NOS1AP: variants seen among roughly 807,000 people sequenced by gnomAD.
The protein encoded by NOS1AP is carboxyl-terminal PDZ ligand of neuronal nitric oxide synthase protein.
In NOS1AP, 21 loss-of-function variants were observed where a neutral mutation model predicts 56.2. The observed-to-expected ratio is 0.37, with a 90% confidence interval of 0.26 to 0.54. The LOEUF (loss-of-function observed/expected upper bound fraction) is 0.54, where lower values mean the gene tolerates loss of function less well. Ranked by LOEUF, NOS1AP falls within the 20% of genes least tolerant of loss-of-function variation. The probability of loss-of-function intolerance (pLI) is 0.84; values close to 1 mark genes in which losing one functional copy is unlikely to be tolerated. For synonymous variants in NOS1AP, 270 were observed against 274.6 expected (o/e 0.98, Z 0.17); for missense variants, 522 against 657.8 (o/e 0.79, Z 2.26).
intron 1 of NOS1AP, among the ~76,000 whole-genome samples, chr1:162,145,109 G>A (rs1464773096): frequency 6.6e-6 from 1 of 152,174 alleles, no homozygotes; most frequent in Non-Finnish European, 1.5e-5. Flanking sequence ...GCATCAGATG[G>A]CCTTCAAATA....
intron 1 of NOS1AP, among the ~76,000 whole-genome samples, chr1:162,109,745 A>C (rs1647644102): frequency 6.6e-6 from 1 of 152,036 alleles, no homozygotes; most frequent in Non-Finnish European, 1.5e-5. Context: ...CATCCGAGAT[A>C]AGTTCCTAGA....
intron 1 of NOS1AP, among the ~76,000 whole-genome samples, chr1:162,112,453 C>T (rs1397265123): frequency 6.6e-6 from 1 of 152,168 alleles, no homozygotes; most frequent in East Asian, 1.9e-4. Context: ...CCTCTTCAAA[C>T]CCCTCTGGGT....
At chr1:162,334,838 C>T (rs967893004) in intron 5 of NOS1AP, among the ~76,000 whole-genome samples, 1 of 152,174 alleles carries the variant, frequency 6.6e-6, no homozygotes, top group African/African-American at 2.4e-5. Flanking sequence ...AACTGAGGCT[C>T]AGAGAGGTTA....
At chr1:162,216,011 T>C (rs1652556303) in intron 2 of NOS1AP, among the ~76,000 whole-genome samples, 1 of 152,174 alleles carries the variant, frequency 6.6e-6, no homozygotes, top group South Asian at 2.1e-4. Flanking sequence ...GTTCACCCGT[T>C]TGTGGGATGG....
Position 162,227,273 on chromosome 1 carries a change from A to T in NOS1AP, c.178-60071A>T, listed in dbSNP as rs141812116. ...CATATGAGCATTTTTAGTATTTAAG[A>T]GGGCCATATTAACATTTCCTGGTGG... On this transcript the variant is annotated intron_variant, in intron 2 of 9. Coordinates refer to ENST00000361897, the MANE Select transcript of NOS1AP (RefSeq NM_014697.3). Among the ~76,000 whole-genome samples the T allele has an allele frequency of 1.2e-3, 187 of 152,352 alleles. 1 individual carries two copies. The highest frequency in any genetic ancestry group is 1.2e-3 in the Non-Finnish European group (84 of 68,032).
intron 2 of NOS1AP, among the ~76,000 whole-genome samples, chr1:162,201,543 A>G (rs73017345): frequency 0.16 from 24,003 of 152,122 alleles, 2,101 homozygotes; most frequent in South Asian, 0.23. Context: ...TTCCATAATA[A>G]TTAAACTAAT....
chr1:162,116,874 C>T (rs960707013), intron 1 of NOS1AP, among the ~76,000 whole-genome samples: 5 of 152,158 alleles, frequency 3.3e-5, no homozygotes, highest in East Asian at 1.9e-4. Flanking sequence ...TCCTTAGAGA[C>T]GTTTCTCTGC....
intron 2 of NOS1AP, among the ~76,000 whole-genome samples, chr1:162,254,399 C>T (rs1653960201): frequency 6.6e-6 from 1 of 152,128 alleles, no homozygotes; most frequent in South Asian, 2.1e-4. Context: ...GTGAGTGTTA[C>T]CACTGTCCCA....
intron 2 of NOS1AP, among the ~76,000 whole-genome samples, chr1:162,249,633 A>G (rs923583504): frequency 6.6e-6 from 1 of 152,212 alleles, no homozygotes; most frequent in Non-Finnish European, 1.5e-5. Flanking sequence ...TTAATCATCT[A>G]TTCAATGGTT....
chr1:162,119,391 C>T (rs1161044482), intron 1 of NOS1AP, among the ~76,000 whole-genome samples: 3 of 152,174 alleles, frequency 2.0e-5, no homozygotes, highest in Admixed American at 6.5e-5. Context: ...AAGCATTGAG[C>T]TCGTGTGTCT....
chr1:162,093,192 A>G (rs188590010), intron 1 of NOS1AP, among the ~76,000 whole-genome samples: 2 of 152,162 alleles, frequency 1.3e-5, no homozygotes, highest in African/African-American at 4.8e-5. Context: ...TATCTCCCCT[A>G]TCTGAGCAGG....
At chr1:162,187,837 A>G (rs1239117761) in intron 2 of NOS1AP, among the ~76,000 whole-genome samples, 2 of 152,192 alleles carry the variant, frequency 1.3e-5, no homozygotes, top group Non-Finnish European at 2.9e-5. Flanking sequence ...CTGATTAAAA[A>G]TTTCCTGTGT....
At chr1:162,152,060 T>C (rs1649736733) in intron 1 of NOS1AP, among the ~76,000 whole-genome samples, 1 of 152,204 alleles carries the variant, frequency 6.6e-6, no homozygotes, top group South Asian at 2.1e-4. Flanking sequence ...CTGTCCTCCC[T>C]GCATCCTATG....
At chr1:162,153,215 G>A (rs1649791171) in intron 1 of NOS1AP, among the ~76,000 whole-genome samples, 2 of 152,164 alleles carry the variant, frequency 1.3e-5, no homozygotes, top group South Asian at 2.1e-4. Flanking sequence ...TGCAACCTCC[G>A]CCTCCTGGGT....
In NOS1AP at chr1:162,102,443, G is replaced by A. The variant is rs186474952; in HGVS notation, c.105+32161G>A. On this transcript the variant is annotated intron_variant, in intron 1 of 9. Transcript: ENST00000361897. The stretch of plus-strand genomic sequence containing the variant: ...GTATCTCTGCCAGGTTTTGGTATCA[G>A]GATCATGCTGGCCTCATAGAATGAG... Among the ~76,000 whole-genome samples the A allele has an allele frequency of 4.6e-5, 7 of 152,260 alleles. No individual in the cohort carries two copies. The East Asian group carries it at 9.6e-4, about 21-fold the overall frequency.
chr1:162,357,721 A>G (rs1657747512), intron 8 of NOS1AP, among the ~76,000 whole-genome samples: 1 of 152,012 alleles, frequency 6.6e-6, no homozygotes, highest in Non-Finnish European at 1.5e-5. Flanking sequence ...TTGAGCCATA[A>G]TGAAAAGAAT....
rs772644550 is a variant in NOS1AP, at chr1:162,367,272, A to G, written c.1326A>G (p.Pro442=). Reference sequence around the variant, plus strand: ...TTCCGCCCGAGGACACCCCGCCCCCAGCGCAGGGCGAGGCGCTCCTGGGCG... The same window carrying G: ...TTCCGCCCGAGGACACCCCGCCCCCGGCGCAGGGCGAGGCGCTCCTGGGCG... The part of the protein sequence containing the change: ...RFLPPEDTPP[P]AQGEALLGGL... Residue 442 remains proline (P), a synonymous_variant, in exon 10 of 10, where the codon CCA becomes CCG. Coordinates refer to ENST00000361897, the MANE Select transcript of NOS1AP (RefSeq NM_014697.3). The surrounding 1 kb of genome is among the most constrained non-coding windows in gnomAD (Gnocchi z 6.5). The G allele has an allele frequency of 5.6e-6, 9 of 1,613,556 alleles. No homozygotes were observed.
chr1:162,273,539 T>C (rs115221865), intron 2 of NOS1AP, among the ~76,000 whole-genome samples: 7,370 of 152,224 alleles, frequency 0.048, 248 homozygotes, highest in Non-Finnish European at 0.069. Context: ...GGAGAGGGTA[T>C]CCCTCACATT....
chr1:162,070,258 G>A lies in NOS1AP; in HGVS notation c.81G>A (p.Gln27=), dbSNP rs1253044326. ...RIPLHNEDAF[Q]HGICFEAKYV... ...CCTTGCACAACGAGGACGCCTTCCA[G>A]CACGGCATCTGCTTTGAGGCCAAGG... is the stretch of plus-strand genomic sequence containing the variant. The change falls in exon 1 of 10, where the codon CAG becomes CAA. Residue 27 remains glutamine (Q), a synonymous_variant. Coordinates refer to ENST00000361897, the MANE Select transcript of NOS1AP (RefSeq NM_014697.3). The A allele has an allele frequency of 1.2e-6, 2 of 1,613,886 alleles. No homozygotes were observed. Among genetic ancestry groups the A allele is most frequent in the Admixed American group, 1.7e-5 (1 of 60,004 alleles).
Sources: allele counts gnomAD v4.1 joint callset (sites outside exome capture counted in the v4.1 genomes callset), GRCh38; gene constraint gnomAD v4.1.1; non-coding constraint Gnocchi (gnomAD v3.1); transcripts MANE v1.5; gene names NCBI Gene and HGNC (gene_info 2026-07-23, HGNC 2026-07-21).